ACER3: variants seen among roughly 807,000 people sequenced by gnomAD.
ACER3 encodes the protein alkCDase 3.
In ACER3, 16 loss-of-function variants were observed where a neutral mutation model predicts 48.9. The observed-to-expected ratio is 0.33, with a 90% CI of 0.22 to 0.50. The LOEUF is 0.50. ACER3 is among the 20% of genes least tolerant of loss of function. The pLI is 0.98. For missense variants in ACER3, 227 were observed against 326.0 expected (o/e 0.70, Z 2.34); for synonymous variants, 109 against 107.8 (o/e 1.01, Z -0.07).
At chr11:76,962,369 G>A (rs7128770) in intron 3 of ACER3, among the ~76,000 whole-genome samples, 87,210 of 150,370 alleles carry the variant, frequency 0.58, 28,634 homozygotes, top group Non-Finnish European at 0.74. Flanking sequence ...ATAAGCACCC[G>A]CCACCATGCC....
chr11:76,948,211 CTGTGTGTGTGTGTGTGTGTGTGTGTG>C (rs57302394), intron 2 of ACER3, among the ~76,000 whole-genome samples: 5 of 135,766 alleles, frequency 3.7e-5, no homozygotes, highest in Admixed American at 2.2e-4. Flanking sequence ...CTGGCTCACT[CTGTGTGTGTGTGTGTGTGTGTGTGTG>C]TGTGTGTGTG....
chr11:76,946,701 C>A (rs537655147), intron 2 of ACER3, among the ~76,000 whole-genome samples: 1 of 152,210 alleles, frequency 6.6e-6, no homozygotes, highest in South Asian at 2.1e-4. Context: ...CCCCTCCCCT[C>A]CTTGGAGCAG....
intron 3 of ACER3, among the ~76,000 whole-genome samples, chr11:76,968,871 A>G (rs1667063140): frequency 6.6e-6 from 1 of 152,238 alleles, no homozygotes; most frequent in African/African-American, 2.4e-5. Flanking sequence ...ACCATTCAGG[A>G]CATAGGCATG....
chr11:76,950,903 A>G (rs1234371399), intron 2 of ACER3, among the ~76,000 whole-genome samples: 2 of 152,208 alleles, frequency 1.3e-5, no homozygotes, highest in Non-Finnish European at 2.9e-5. Flanking sequence ...TCCTGAATTT[A>G]CTAAGATCTA....
At chr11:76,900,035 T>G (rs992050000) in intron 1 of ACER3, among the ~76,000 whole-genome samples, 3 of 152,226 alleles carry the variant, frequency 2.0e-5, no homozygotes, top group Non-Finnish European at 2.9e-5. Flanking sequence ...AAAGTGTTAT[T>G]AAGAAAATCA....
At chr11:76,925,112 T>C (rs1462043714) in intron 1 of ACER3, among the ~76,000 whole-genome samples, 1 of 151,114 alleles carries the variant, frequency 6.6e-6, no homozygotes, top group Non-Finnish European at 1.5e-5. Context: ...GGGCATGAAA[T>C]ACATTTCATA....
At chr11:76,875,329 G>T (rs1404058592) in intron 1 of ACER3, among the ~76,000 whole-genome samples, 1 of 151,690 alleles carries the variant, frequency 6.6e-6, no homozygotes. Context: ...GGCCAGACTG[G>T]TCTCGATCTC....
chr11:76,913,413 C>A (rs1180752214), intron 1 of ACER3, among the ~76,000 whole-genome samples: 4 of 152,256 alleles, frequency 2.6e-5, no homozygotes, highest in South Asian at 2.1e-4. Context: ...TATGTTGAAT[C>A]GGAATAGTGA....
chr11:76,953,254 C>T (rs910874769), intron 2 of ACER3, among the ~76,000 whole-genome samples: 2 of 152,258 alleles, frequency 1.3e-5, no homozygotes, highest in East Asian at 1.9e-4. Context: ...AGGATGCACA[C>T]ACTGCAGGGA....
intron 2 of ACER3, among the ~76,000 whole-genome samples, chr11:76,946,293 T>C (rs1449004477): frequency 6.6e-6 from 1 of 151,718 alleles, no homozygotes; most frequent in Non-Finnish European, 1.5e-5. Flanking sequence ...GCCTTGGACC[T>C]GCAACCCAGG....
intron 1 of ACER3, among the ~76,000 whole-genome samples, chr11:76,917,872 A>AAG (rs113127782): frequency 0.054 from 8,161 of 149,840 alleles, 805 homozygotes; most frequent in African/African-American, 0.19. Context: ...AAAAAAAAAA[A>AAG]AAAGAAAGAA....
rs1357308143 is a variant in ACER3, at chr11:77,026,690, G to A, written c.*6363G>A. ...GCCACAATCATTTTTCTAGAAAATA[G>A]TAGGATAATGTATTTTTTCCTGTCT... is the stretch of plus-strand genomic sequence containing the variant. On this transcript the variant is annotated 3_prime_UTR_variant, in exon 11 of 11. Transcript: ENST00000532485. 1 of 152,140 alleles carries A rather than the reference G, an allele frequency of 6.6e-6. No homozygotes were observed. Among genetic ancestry groups the A allele is most frequent in the Non-Finnish European group, 1.5e-5 (1 of 68,032 alleles). The allele number at this position is 152,140 out of a possible 1,614,324, so 9.4% of individuals were successfully genotyped here.
intron 1 of ACER3, among the ~76,000 whole-genome samples, chr11:76,911,547 G>A (rs149111385): frequency 6.6e-6 from 1 of 152,244 alleles, no homozygotes; most frequent in East Asian, 1.9e-4. Flanking sequence ...AATCTCCTGA[G>A]AATGCAGCTC....
At chr11:77,000,290 G>C (rs1406752654) in intron 7 of ACER3, among the ~76,000 whole-genome samples, 1 of 152,064 alleles carries the variant, frequency 6.6e-6, no homozygotes, top group Non-Finnish European at 1.5e-5. Flanking sequence ...GAGATAATAA[G>C]GACAGTTGCT....
rs961771531 is a variant in ACER3, at chr11:77,020,429, T to C, written c.*102T>C. The C allele has an allele frequency of 2.2e-6, 3 of 1,341,338 alleles. No homozygotes were observed. The African/African-American group carries it at 4.4e-5, about 20-fold the overall frequency. 83.1% of individuals were successfully genotyped at this position (1,341,338 alleles called of 1,614,324 possible). ...TACAAGTTCAAATATGTCATGACCA[T>C]CACAGCAGAGGAGTGACTTTCTGAC... On this transcript the variant is annotated 3_prime_UTR_variant, in exon 11 of 11. Coordinates refer to ENST00000532485, the MANE Select transcript of ACER3 (RefSeq NM_018367.7).
At chr11:76,877,734 A>G (rs1945421270) in intron 1 of ACER3, among the ~76,000 whole-genome samples, 1 of 152,142 alleles carries the variant, frequency 6.6e-6, no homozygotes, top group African/African-American at 2.4e-5. Flanking sequence ...TTGAAGAAAC[A>G]TTTAGCACCC....
At chr11:76,872,047 C>T (rs1159889912) in intron 1 of ACER3, among the ~76,000 whole-genome samples, 1 of 116,892 alleles carries the variant, frequency 8.6e-6, no homozygotes, top group Non-Finnish European at 1.7e-5. Context: ...CCCATTCATC[C>T]CCCAACTTTA....
At chr11:76,913,559 A>G (rs1418047360) in intron 1 of ACER3, among the ~76,000 whole-genome samples, 1 of 152,116 alleles carries the variant, frequency 6.6e-6, no homozygotes, top group Non-Finnish European at 1.5e-5. Context: ...TACCTAATTT[A>G]CAAATGGAAG....
intron 1 of ACER3, among the ~76,000 whole-genome samples, chr11:76,896,301 C>T (rs72941902): frequency 0.019 from 2,961 of 152,182 alleles, 33 homozygotes; most frequent in Non-Finnish European, 0.029. Context: ...AGAGTTGCAT[C>T]AGAACCTTTC....
Sources: gnomAD v4.1 joint callset for allele counts (sites outside exome capture counted in the v4.1 genomes callset) on GRCh38, gnomAD v4.1.1 for gene constraint, MANE v1.5 for transcripts, NCBI Gene and HGNC (gene_info 2026-07-23, HGNC 2026-07-21) for gene names.